The following RAP1GAP2 variants were observed in gnomAD, a reference collection of about 807,000 sequenced individuals.
RAP1GAP2 encodes RAP1 GTPase activating protein 2.
In RAP1GAP2, 27 loss-of-function variants were observed where a neutral mutation model predicts 95.0. The observed-to-expected ratio is 0.28, with a 90% CI of 0.21 to 0.39. The LOEUF is 0.39. RAP1GAP2 is among the 10% of genes least tolerant of loss of function. The pLI is 1.00. For synonymous variants in RAP1GAP2, 373 were observed against 380.9 expected, an observed-to-expected ratio of 0.98 and a Z score of 0.24; for missense variants, 771 against 970.0, an observed-to-expected ratio of 0.79 and a Z score of 2.72.
intron 8 of RAP1GAP2, among the ~76,000 whole-genome samples, chr17:2,974,848 A>G (rs117284210): frequency 2.6e-5 from 4 of 152,360 alleles, no homozygotes; most frequent in Non-Finnish European, 5.9e-5. Flanking sequence ...AAAGAAAGCA[A>G]AAAACAAAAC....
At chr17:2,932,061 G>A (rs1256060048) in intron 3 of RAP1GAP2, among the ~76,000 whole-genome samples, 7 of 152,180 alleles carry the variant, frequency 4.6e-5, no homozygotes, top group African/African-American at 1.4e-4. Context: ...GGCCAGGGAC[G>A]GCTCCAGCAA....
At chr17:2,880,855 G>A (rs1273700700) in intron 2 of RAP1GAP2, among the ~76,000 whole-genome samples, 11 of 152,148 alleles carry the variant, frequency 7.2e-5, no homozygotes, top group African/African-American at 2.4e-4. Flanking sequence ...GGTCAGGCAC[G>A]GTGGCTCACG....
At chr17:3,030,084 T>C (rs938401101) in intron 22 of RAP1GAP2, among the ~76,000 whole-genome samples, 2 of 147,904 alleles carry the variant, frequency 1.4e-5, no homozygotes, top group Admixed American at 1.4e-4. Flanking sequence ...AATATACATA[T>C]GTTATAGATA....
intron 8 of RAP1GAP2, among the ~76,000 whole-genome samples, chr17:2,972,158 G>A (rs780558297): frequency 1.3e-5 from 2 of 152,080 alleles, no homozygotes; most frequent in Non-Finnish European, 2.9e-5. Flanking sequence ...TGAACAAACC[G>A]GTAACTGTGG....
intron 11 of RAP1GAP2, among the ~76,000 whole-genome samples, chr17:2,986,906 C>T (rs1012302509): frequency 6.6e-6 from 1 of 152,190 alleles, no homozygotes; most frequent in African/African-American, 2.4e-5. Flanking sequence ...AGTCTGGCCT[C>T]ATGACCTGGG....
chr17:2,758,026 C>T (rs932017193), intron 1 of RAP1GAP2, among the ~76,000 whole-genome samples: 8 of 151,920 alleles, frequency 5.3e-5, no homozygotes, highest in South Asian at 2.1e-4. Flanking sequence ...CCCGCCACCA[C>T]GCCAGGCTAA....
In RAP1GAP2 at chr17:2,867,346, C is replaced by A. The variant is rs1389829290; in HGVS notation, c.81-37938C>A. On this transcript the variant is annotated intron_variant, in intron 2 of 24. Transcript: ENST00000254695. The surrounding 1 kb of genome is among the most constrained non-coding windows in gnomAD (Gnocchi z 4.5). ...GGGACGGATTCAGGCCTGGCTGGAT[C>A]GAGAGCTCCAGTGGGGTCTTTGGAC... Among the ~76,000 whole-genome samples the A allele has an allele frequency of 6.6e-6, 1 of 152,124 alleles. No individual in the cohort carries two copies. The highest frequency in any genetic ancestry group is 2.1e-4 in the South Asian group (1 of 4,832).
chr17:2,972,035 C>T (rs543135523), intron 8 of RAP1GAP2, among the ~76,000 whole-genome samples: 2 of 152,168 alleles, frequency 1.3e-5, no homozygotes, highest in Non-Finnish European at 1.5e-5. Flanking sequence ...CTGTGTTCAA[C>T]TCATGCTATT....
intron 2 of RAP1GAP2, among the ~76,000 whole-genome samples, chr17:2,839,856 A>G (rs1013777353): frequency 2.0e-5 from 3 of 151,980 alleles, no homozygotes; most frequent in African/African-American, 7.3e-5. Context: ...CTGGAGTGCA[A>G]TGCGTGATCT....
At chr17:2,993,967 G>A (rs1233419047) in intron 12 of RAP1GAP2, among the ~76,000 whole-genome samples, 1 of 152,154 alleles carries the variant, frequency 6.6e-6, no homozygotes, top group Non-Finnish European at 1.5e-5. Context: ...GATCGCTTGA[G>A]CCCAGGAGGT....
At chr17:2,838,329 C>T (rs2071233168) in intron 2 of RAP1GAP2, among the ~76,000 whole-genome samples, 1 of 151,938 alleles carries the variant, frequency 6.6e-6, no homozygotes, top group African/African-American at 2.4e-5. Context: ...TGTGTTCCTT[C>T]TTGATGGGGC....
intron 2 of RAP1GAP2, among the ~76,000 whole-genome samples, chr17:2,811,563 TTGTG>T (rs570111618): frequency 4.9e-4 from 74 of 152,226 alleles, no homozygotes; most frequent in African/African-American, 1.7e-3. Flanking sequence ...ATCCGTTTCT[TTGTG>T]TGTGTATTTT....
At chr17:2,969,206 TCTAA>T (rs75912394) in intron 8 of RAP1GAP2, among the ~76,000 whole-genome samples, 26,682 of 151,476 alleles carry the variant, frequency 0.18, 2,900 homozygotes, top group East Asian at 0.33. Context: ...TGTTTCTGTA[TCTAA>T]CTATCAGACT....
chr17:2,999,310 G>A (rs1322231515), intron 14 of RAP1GAP2, among the ~76,000 whole-genome samples: 1 of 152,164 alleles, frequency 6.6e-6, no homozygotes, highest in Non-Finnish European at 1.5e-5. Context: ...CAAGGGCGTT[G>A]GACTGAGGCA....
upstream of RAP1GAP2, among the ~76,000 whole-genome samples, chr17:2,792,325 G>A (rs947705546): frequency 6.6e-6 from 1 of 152,198 alleles, no homozygotes; most frequent in African/African-American, 2.4e-5. Flanking sequence ...AGCAGCTCCC[G>A]TGACGGCCTT....
At chr17:3,016,771 G>A (rs2046784152) in intron 17 of RAP1GAP2, among the ~76,000 whole-genome samples, 1 of 152,220 alleles carries the variant, frequency 6.6e-6, no homozygotes, top group South Asian at 2.1e-4. Context: ...CAACTACTCT[G>A]TGGTGTAGAC....
intron 8 of RAP1GAP2, among the ~76,000 whole-genome samples, chr17:2,975,281 A>G (rs953369481): frequency 4.6e-5 from 7 of 152,228 alleles, no homozygotes; most frequent in African/African-American, 1.2e-4. Context: ...AGTAATTGCA[A>G]TAAGTATAAA....
chr17:2,886,135 ATGTG>A (rs140784056), intron 2 of RAP1GAP2, among the ~76,000 whole-genome samples: 1,723 of 130,454 alleles, frequency 0.013, 22 homozygotes, highest in African/African-American at 0.017. Context: ...ATATGTATTT[ATGTG>A]TGTGTGTGTG....
chr17:2,760,749 C>T (rs530417256), intron 1 of RAP1GAP2, among the ~76,000 whole-genome samples: 7 of 151,994 alleles, frequency 4.6e-5, no homozygotes, highest in South Asian at 2.1e-4. Flanking sequence ...TCCTGTGCTT[C>T]GTTGAGCTCC....
Sources: gnomAD v4.1 joint callset for allele counts (sites outside exome capture counted in the v4.1 genomes callset) on GRCh38, gnomAD v4.1.1 for gene constraint, Gnocchi (gnomAD v3.1) non-coding constraint, MANE v1.5 for transcripts, NCBI Gene and HGNC (gene_info 2026-07-23, HGNC 2026-07-21) for gene names.